The following TNRC6C variants were observed in gnomAD, a reference collection of about 807,000 sequenced individuals.
TNRC6C encodes trinucleotide repeat containing adaptor 6C.
TNRC6C carries 20 observed loss-of-function variants against 153.7 expected under a neutral mutation model. That is an observed-to-expected ratio of 0.13 (90% confidence interval 0.09 to 0.19). TNRC6C has a LOEUF of 0.19. Among genes scored for constraint, TNRC6C ranks in the 10% least tolerant of loss-of-function variants. TNRC6C has a pLI of 1.00. For missense variants in TNRC6C, 1,987 were observed against 2,172.0 expected, an observed-to-expected ratio of 0.91 and a Z score of 1.69; for synonymous variants, 811 against 841.4, an observed-to-expected ratio of 0.96 and a Z score of 0.63.
intron 3 of TNRC6C, among the ~76,000 whole-genome samples, chr17:78,053,109 G>A (rs1309716818): frequency 2.0e-5 from 3 of 152,210 alleles, no homozygotes; most frequent in East Asian, 1.9e-4. Flanking sequence ...GACCCCTGAC[G>A]GTTCCCAACA....
At chr17:78,054,106 C>G (rs900279676) in intron 3 of TNRC6C, among the ~76,000 whole-genome samples, 5 of 152,138 alleles carry the variant, frequency 3.3e-5, no homozygotes, top group African/African-American at 1.2e-4. Flanking sequence ...ATACTGTAGG[C>G]AGTTGTAGGA....
chr17:78,009,604 G>C (rs2071587003), intron 1 of TNRC6C, among the ~76,000 whole-genome samples: 1 of 152,098 alleles, frequency 6.6e-6, no homozygotes, highest in Non-Finnish European at 1.5e-5. Context: ...GCCCAGGCTG[G>C]AATGCAGTGG....
In TNRC6C at chr17:78,104,379, AG is replaced by A. The variant is rs2073651393; in HGVS notation, c.4713-104del. ...ATAGCAGTGGCAAAACAGAAGCCAC[AG>A]GATGGCTTCCATGTGGGGCCGTTCC... On this transcript the variant is annotated intron_variant, in intron 19 of 19. Transcript: ENST00000301624. This position sits in a 1 kb window ranked among gnomAD's most constrained non-coding sequence, Gnocchi z 6.2. 1 of 1,379,552 alleles carries A rather than the reference AG, an allele frequency of 7.2e-7. No homozygotes were observed. Among genetic ancestry groups the A allele is most frequent in the Non-Finnish European group, 9.4e-7 (1 of 1,059,064 alleles). 85.5% of individuals were successfully genotyped at this position (1,379,552 alleles called of 1,614,324 possible). A position where few individuals can be genotyped will look rare whatever the true frequency, so the allele number is the denominator to read the frequency against.
intron 1 of TNRC6C, chr17:78,008,590 AG>A (rs2071564509): frequency 6.6e-6 from 1 of 152,154 alleles, no homozygotes; most frequent in South Asian, 2.1e-4. Flanking sequence ...TATGCCTCTA[AG>A]TCTGCAAACC....
rs753452794 is a variant in TNRC6C, at chr17:78,049,087, A to G, written c.25A>G (p.Asn9Asp). 6 of 1,554,750 alleles carry G rather than the reference A, an allele frequency of 3.9e-6. No homozygotes were observed. In the South Asian group the frequency reaches 5.0e-5, roughly 13 times the overall value. The change falls in exon 3 of 20, where the codon AAC (asparagine) becomes GAC (aspartate). Residue 9 changes from asparagine (N) to aspartate (D), a missense_variant. Asn to Asp is a conservative substitution (Grantham distance 23). Transcript: ENST00000301624. This position sits in a 1 kb window ranked among gnomAD's most constrained non-coding sequence, Gnocchi z 4.1. Reference sequence around the variant, plus strand: ...CATGGCTACAGGGAGTGCCCAGGGCAACTTCACTGGACATACCAAGAAGAC... The same window carrying G: ...CATGGCTACAGGGAGTGCCCAGGGCGACTTCACTGGACATACCAAGAAGAC...
intron 1 of TNRC6C, among the ~76,000 whole-genome samples, chr17:78,029,273 G>A (rs567718319): frequency 1.1e-4 from 16 of 152,258 alleles, no homozygotes; most frequent in East Asian, 5.8e-4. Flanking sequence ...AAAATGCACC[G>A]TTAGGCTGTT....
At position 77,994,826 on chromosome 17, in the gene TNRC6C, A is replaced by G. The variant is rs1410747562; in HGVS notation, c.-37-9344A>G. Among the ~76,000 whole-genome samples the G allele has an allele frequency of 3.3e-5, 5 of 152,074 alleles. No individual in the cohort carries two copies. The East Asian group carries it at 7.7e-4, about 23-fold the overall frequency. On this transcript the variant is annotated intron_variant, in intron 1 of 22. Coordinates refer to the TNRC6C transcript ENST00000636222. Reference sequence around the variant, plus strand: ...TTTCACTCCATCTGTCAGGGTTGATATTTCAGGTCTTTGTGCTATTGGTTA... The same window carrying G: ...TTTCACTCCATCTGTCAGGGTTGATGTTTCAGGTCTTTGTGCTATTGGTTA...
intron 1 of TNRC6C, among the ~76,000 whole-genome samples, chr17:77,985,283 T>G (rs899045225): frequency 2.0e-5 from 3 of 152,122 alleles, no homozygotes; most frequent in Non-Finnish European, 4.4e-5. Flanking sequence ...CCTTGCCTTG[T>G]AGCCTCCATC....
upstream of TNRC6C, among the ~76,000 whole-genome samples, chr17:78,000,887 T>A (rs1322568908): frequency 2.0e-5 from 3 of 152,202 alleles, no homozygotes; most frequent in African/African-American, 7.2e-5. Context: ...CAGAATTGTT[T>A]TGCATGAAGT....
chr17:78,080,360 C>T (rs112920318), intron 10 of TNRC6C, among the ~76,000 whole-genome samples: 65 of 152,254 alleles, frequency 4.3e-4, no homozygotes, highest in African/African-American at 1.3e-3. Flanking sequence ...GCAGGAGAAT[C>T]GCTTGACCCG....
In TNRC6C at chr17:78,095,072, T is replaced by C. The variant is rs118000745; in HGVS notation, c.4306+1309T>C. 3.7e-3 allele frequency among the ~76,000 whole-genome samples: 564 copies of C among 152,232 alleles called. 3 individuals are homozygous for C. Among genetic ancestry groups the C allele is most frequent in the Non-Finnish European group, 6.3e-3 (429 of 68,010 alleles). ...AGGAAAATTAGCATATTTTGAGGGA[T>C]GTGGAGAAGTGGGATGCAGGTTGTA... On this transcript the variant is annotated intron_variant, in intron 16 of 19. Transcript: ENST00000301624.
intron 1 of TNRC6C, among the ~76,000 whole-genome samples, chr17:78,007,035 G>T (rs1406741829): frequency 5.3e-5 from 8 of 151,320 alleles, no homozygotes; most frequent in Admixed American, 5.3e-4. Context: ...TAGAGACAGG[G>T]TTTCACCATG....
chr17:78,054,477 C>T (rs539887092), intron 3 of TNRC6C, among the ~76,000 whole-genome samples: 13 of 151,816 alleles, frequency 8.6e-5, no homozygotes, highest in African/African-American at 2.2e-4. Flanking sequence ...GACTACTGCA[C>T]GCCACTGCAG....
chr17:77,975,023 G>A (rs886955333), intron 1 of TNRC6C, among the ~76,000 whole-genome samples: 1 of 131,716 alleles, frequency 7.6e-6, no homozygotes, highest in Non-Finnish European at 1.6e-5. Context: ...AAAGAAATAA[G>A]CCAGATTAAA....
intron 1 of TNRC6C, among the ~76,000 whole-genome samples, chr17:77,964,337 A>G (rs1312103245): frequency 6.6e-6 from 1 of 152,192 alleles, no homozygotes; most frequent in Non-Finnish European, 1.5e-5. Flanking sequence ...CACAGTGTCA[A>G]GTTGAATTAT....
chr17:77,970,525 T>TA (rs1249851340), intron 1 of TNRC6C, among the ~76,000 whole-genome samples: 1 of 152,216 alleles, frequency 6.6e-6, no homozygotes, highest in African/African-American at 2.4e-5. Context: ...TCAGGAGAGA[T>TA]ATATGTTAAA....
intron 1 of TNRC6C, among the ~76,000 whole-genome samples, chr17:77,975,324 C>G (rs1406502931): frequency 6.6e-6 from 1 of 151,966 alleles, no homozygotes; most frequent in Non-Finnish European, 1.5e-5. Context: ...TGTTGATATA[C>G]ATATATATCT....
intron 1 of TNRC6C, among the ~76,000 whole-genome samples, chr17:78,008,094 A>G (rs1267984914): frequency 6.6e-6 from 1 of 152,242 alleles, no homozygotes; most frequent in African/African-American, 2.4e-5. Flanking sequence ...TTATAGCATT[A>G]ATTATACTTA....
intron 1 of TNRC6C, among the ~76,000 whole-genome samples, chr17:77,965,575 C>G (rs1318584024): frequency 6.6e-6 from 1 of 152,214 alleles, no homozygotes; most frequent in Non-Finnish European, 1.5e-5. Context: ...TTCCACAAAA[C>G]CTTTATGTCT....
Sources: gnomAD v4.1 joint callset for allele counts (sites outside exome capture counted in the v4.1 genomes callset) on GRCh38, gnomAD v4.1.1 for gene constraint, Gnocchi (gnomAD v3.1) non-coding constraint, MANE v1.5 for transcripts, NCBI Gene and HGNC (gene_info 2026-07-23, HGNC 2026-07-21) for gene names.